Variants in SMCO2 observed in about 807,000 individuals in gnomAD.
SMCO2 encodes the protein single-pass membrane protein with coiled-coil domains 2.
SMCO2 carries 25 observed loss-of-function variants against 29.5 expected under a neutral mutation model. The ratio of observed to expected loss-of-function variants is 0.85; its 90% CI spans 0.62 to 1.18. SMCO2 has a LOEUF of 1.18. Ranked by LOEUF, SMCO2 falls within the 50% of genes most tolerant of loss-of-function variation. The pLI is 0.00. For missense variants in SMCO2, 348 were observed against 344.5 expected, an observed-to-expected ratio of 1.01 and a Z score of -0.08; for synonymous variants, 117 against 123.3, an observed-to-expected ratio of 0.95 and a Z score of 0.34.
chr12:27,453,774 G>A, the SMCO2 span, among the ~76,000 whole-genome samples: 6 of 152,178 alleles, frequency 3.9e-5, no homozygotes, highest in African/African-American at 1.4e-4. Context: ...AAAAAAGCCT[G>A]CCTTTTCCTG....
At chr12:27,485,570 G>A (rs569432585) in intron 4 of SMCO2, among the ~76,000 whole-genome samples, 1 of 151,192 alleles carries the variant, frequency 6.6e-6, no homozygotes, top group Non-Finnish European at 1.5e-5. Context: ...GGCTTCCCGA[G>A]TAGCTGGGAT....
upstream of SMCO2, among the ~76,000 whole-genome samples, chr12:27,463,405 C>T (rs941476005): frequency 6.6e-6 from 1 of 152,136 alleles, no homozygotes; most frequent in African/African-American, 2.4e-5. Flanking sequence ...GCTGGGATTA[C>T]AGGTGCCCAC....
chr12:27,429,447 A>C, the SMCO2 span, among the ~76,000 whole-genome samples: 2,315 of 149,812 alleles, frequency 0.015, 64 homozygotes, highest in African/African-American at 0.054. Flanking sequence ...TATTGGTTAA[A>C]AGTCAGATAG....
chr12:27,424,603 A>G, the SMCO2 span: 1 of 152,228 alleles, frequency 6.6e-6, no homozygotes, highest in African/African-American at 2.4e-5. Flanking sequence ...GGTACAAGAA[A>G]TAGCCAATAT....
intron 6 of SMCO2, among the ~76,000 whole-genome samples, chr12:27,494,614 G>A (rs562036238): frequency 4.0e-5 from 6 of 151,588 alleles, no homozygotes; most frequent in Admixed American, 2.6e-4. Flanking sequence ...CCATCAACCC[G>A]TCATCTACAT....
the SMCO2 span, among the ~76,000 whole-genome samples, chr12:27,458,967 C>T: frequency 6.6e-6 from 1 of 150,636 alleles, no homozygotes; most frequent in Non-Finnish European, 1.5e-5. Flanking sequence ...GCGGGCAGAT[C>T]ACGATGTCAG....
chr12:27,470,869 G>C, intron 2 of SMCO2, 104 bp downstream of exon 2: 1 of 1,280,608 alleles, frequency 7.8e-7, no homozygotes, highest in Non-Finnish European at 1.1e-6. Flanking sequence ...TCAGAGTCTA[G>C]GTTGACAGTC....
chr12:27,430,731 C>T, the SMCO2 span, among the ~76,000 whole-genome samples: 1 of 152,084 alleles, frequency 6.6e-6, no homozygotes, highest in Non-Finnish European at 1.5e-5. Flanking sequence ...GCCTATTACA[C>T]GTATTAATGT....
At chr12:27,454,351 G>T in the SMCO2 span, among the ~76,000 whole-genome samples, 1 of 152,222 alleles carries the variant, frequency 6.6e-6, no homozygotes, top group East Asian at 1.9e-4. Context: ...TTTGTATACT[G>T]CTTTTTCCCC....
intron 2 of SMCO2, 99 bp downstream of exon 2, chr12:27,470,864 G>A: frequency 1.5e-6 from 2 of 1,344,582 alleles, no homozygotes; most frequent in Non-Finnish European, 2.0e-6. Flanking sequence ...CAGGTTCAGA[G>A]TCTAGGTTGA....
At chr12:27,423,733 A>G in the SMCO2 span, 1 of 152,220 alleles carries the variant, frequency 6.6e-6, no homozygotes, top group Non-Finnish European at 1.5e-5. Context: ...ATTTAGCTGT[A>G]TGACCTCATG....
chr12:27,472,916 A>G, intron 3 of SMCO2, 41 bp downstream of exon 3: 1 of 1,403,112 alleles, frequency 7.1e-7, no homozygotes, highest in Non-Finnish European at 9.8e-7. Context: ...CTTAAATGAC[A>G]CAGTAGGTTG....
In SMCO2 at chr12:27,489,605, A is replaced by G. The variant is rs115094995; in HGVS notation, c.450+1058A>G. ...GAGAAAATTCTCTTTTATTAAAGGA[A>G]GGTGTCATTTATTTGGACCTCTTAC... On this transcript the variant is annotated intron_variant, in intron 5 of 7. Transcript: ENST00000298876. Among the ~76,000 whole-genome samples, 1,110 of 152,318 alleles carry G rather than the reference A, an allele frequency of 7.3e-3. 13 individuals carry two copies. The highest frequency in any genetic ancestry group is 0.025 in the African/African-American group (1,044 of 41,564).
the SMCO2 span, among the ~76,000 whole-genome samples, chr12:27,432,246 G>T: frequency 6.6e-6 from 1 of 152,146 alleles, no homozygotes; most frequent in East Asian, 1.9e-4. Flanking sequence ...CCTTTGATGT[G>T]CAGAAGCTTT....
the SMCO2 span, among the ~76,000 whole-genome samples, chr12:27,453,028 C>T: frequency 7.3e-3 from 1,113 of 152,278 alleles, 15 homozygotes; most frequent in African/African-American, 0.025. Flanking sequence ...GAGCCCATGG[C>T]CTGCTCCTCC....
intron 4 of SMCO2, among the ~76,000 whole-genome samples, chr12:27,487,738 ATTC>A (rs2135566439): frequency 7.0e-6 from 1 of 142,534 alleles, no homozygotes; most frequent in South Asian, 2.3e-4. Flanking sequence ...TGTTATCACT[ATTC>A]TTCTTTTCTT....
chr12:27,457,537 G>T, the SMCO2 span, among the ~76,000 whole-genome samples: 1 of 152,204 alleles, frequency 6.6e-6, no homozygotes, highest in Admixed American at 6.5e-5. Flanking sequence ...ACCCAGGAAT[G>T]GGGTCTTGGA....
rs569929527 is a variant in SMCO2, at chr12:27,498,032, A to T, written c.683+2177A>T. ...CCTGGAATAAGGACTAAAGTGATCC[A>T]TGGACAAATTGAAGGAAAAAGAAAG... On this transcript the variant is annotated intron_variant, in intron 7 of 7. Transcript: ENST00000298876. 393 of 283,906 alleles carry T rather than the reference A, an allele frequency of 1.4e-3. 9 individuals carry two copies. In the Middle Eastern group the frequency reaches 0.017, roughly 12 times the overall value. The allele number at this position is 283,906 out of a possible 1,614,324, so 17.6% of individuals were successfully genotyped here. A position where few individuals can be genotyped will look rare whatever the true frequency, so the allele number is the denominator to read the frequency against.
chr12:27,500,117 T>C (rs986130103), intron 7 of SMCO2, among the ~76,000 whole-genome samples: 10 of 150,024 alleles, frequency 6.7e-5, no homozygotes, highest in Middle Eastern at 3.5e-3. Context: ...GTACAGGTGA[T>C]ATGAGAAAAC....
Sources: allele counts gnomAD v4.1 joint callset (sites outside exome capture counted in the v4.1 genomes callset), GRCh38; gene constraint gnomAD v4.1.1; transcripts MANE v1.5; gene names NCBI Gene and HGNC (gene_info 2026-07-23, HGNC 2026-07-21).